The following EIF4G3 variants were observed in gnomAD, a reference collection of about 807,000 sequenced individuals.
The protein encoded by EIF4G3 is eIF-4-gamma 3.
In EIF4G3, 34 loss-of-function variants were observed where a neutral mutation model predicts 186.4. The ratio of observed to expected loss-of-function variants is 0.18; its 90% CI spans 0.14 to 0.24. The LOEUF is 0.24. EIF4G3 is among the 10% of genes least tolerant of loss of function. EIF4G3 has a pLI of 1.00. For missense variants in EIF4G3, 1,536 were observed against 1,948.5 expected (o/e 0.79, Z 3.99); for synonymous variants, 673 against 679.5 (o/e 0.99, Z 0.15).
intron 2 of EIF4G3, among the ~76,000 whole-genome samples, chr1:21,103,909 C>T (rs2096570103): frequency 3.9e-5 from 6 of 152,250 alleles, no homozygotes; most frequent in Admixed American, 3.9e-4. Flanking sequence ...AGCAGTTTGT[C>T]CACAGAATTC....
At chr1:21,011,130 T>C (rs2086920684) in intron 4 of EIF4G3, among the ~76,000 whole-genome samples, 1 of 150,966 alleles carries the variant, frequency 6.6e-6, no homozygotes, top group African/African-American at 2.4e-5. Flanking sequence ...AAATCTTACA[T>C]ATACTTAGTG....
chr1:21,121,647 C>A (rs1408136234), intron 2 of EIF4G3, among the ~76,000 whole-genome samples: 1 of 151,944 alleles, frequency 6.6e-6, no homozygotes, highest in Non-Finnish European at 1.5e-5. Context: ...TGGTGGTGCA[C>A]ACCTGTAGTC....
intron 30 of EIF4G3, among the ~76,000 whole-genome samples, chr1:20,836,585 A>G (rs905833674): frequency 1.1e-4 from 16 of 152,218 alleles, no homozygotes; most frequent in African/African-American, 3.9e-4. Context: ...TGCCGTAAGC[A>G]GTAATAAAGG....
intron 13 of EIF4G3, among the ~76,000 whole-genome samples, chr1:20,944,558 G>C (rs2095860849): frequency 1.3e-5 from 2 of 151,504 alleles, no homozygotes; most frequent in South Asian, 4.2e-4. Flanking sequence ...GGAGAGAGGG[G>C]GAGCGGGGTG....
intron 33 of EIF4G3, among the ~76,000 whole-genome samples, chr1:20,822,355 C>CTTTTT (rs57050580): frequency 4.6e-5 from 3 of 65,048 alleles, no homozygotes; most frequent in Admixed American, 2.6e-4. Context: ...AAAGAACCAG[C>CTTTTT]TTTTTTTTTT....
At chr1:20,814,530 A>C (rs947139413) in intron 34 of EIF4G3, among the ~76,000 whole-genome samples, 12 of 152,110 alleles carry the variant, frequency 7.9e-5, no homozygotes, top group East Asian at 1.9e-4. Flanking sequence ...TGAAAGAACA[A>C]CACCACAACT....
At chr1:21,055,311 A>G (rs2154577993) in intron 3 of EIF4G3, among the ~76,000 whole-genome samples, 1 of 152,286 alleles carries the variant, frequency 6.6e-6, no homozygotes, top group East Asian at 1.9e-4. Flanking sequence ...AAATAAAAAG[A>G]GAGCAAAGAA....
At chr1:21,135,948 C>A (rs2097233954) in intron 2 of EIF4G3, among the ~76,000 whole-genome samples, 1 of 152,072 alleles carries the variant, frequency 6.6e-6, no homozygotes, top group South Asian at 2.1e-4. Context: ...CTTTGGGAGG[C>A]CGAGGCGGGT....
rs140294940 is a variant in EIF4G3, at chr1:20,853,969, A to T, written c.3434-292T>A. Among the ~76,000 whole-genome samples the T allele has an allele frequency of 5.7e-4, 87 of 152,302 alleles. 1 individual carries two copies. Among genetic ancestry groups the T allele is most frequent in the African/African-American group, 2.1e-3 (87 of 41,566 alleles). On this transcript the variant is annotated intron_variant, in intron 26 of 36. Transcript: ENST00000602326. ...GGAAGGCAAGCGAAAACAGAACAAA[A>T]CTTTAACAAAGCTAACCAGCACAAA...
intron 2 of EIF4G3, among the ~76,000 whole-genome samples, chr1:21,157,379 T>C (rs2097682029): frequency 6.6e-6 from 1 of 152,118 alleles, no homozygotes; most frequent in African/African-American, 2.4e-5. Context: ...TTTGTTTGTT[T>C]TTTTTTAAGA....
At chr1:21,059,300 T>C (rs1193344348) in intron 3 of EIF4G3, among the ~76,000 whole-genome samples, 2 of 152,186 alleles carry the variant, frequency 1.3e-5, no homozygotes, top group Non-Finnish European at 2.9e-5. Flanking sequence ...GGGTAATTTC[T>C]ATACTTTATG....
At chr1:21,007,734 T>A (rs1444621025) in intron 4 of EIF4G3, among the ~76,000 whole-genome samples, 1 of 151,762 alleles carries the variant, frequency 6.6e-6, no homozygotes, top group Non-Finnish European at 1.5e-5. Context: ...AAAGACTCTG[T>A]CTTAACTTTA....
intron 14 of EIF4G3, among the ~76,000 whole-genome samples, chr1:20,937,536 C>T (rs1014464298): frequency 6.6e-6 from 1 of 151,984 alleles, no homozygotes; most frequent in African/African-American, 2.4e-5. Flanking sequence ...TAAAAATGTA[C>T]TATAAGCAAG....
chr1:20,990,996 T>C (rs2080971330), intron 7 of EIF4G3, among the ~76,000 whole-genome samples: 1 of 152,228 alleles, frequency 6.6e-6, no homozygotes, highest in African/African-American at 2.4e-5. Flanking sequence ...AAGTCTGAAG[T>C]ACTCTTGAAG....
chr1:21,082,777 G>A (rs182785286), intron 3 of EIF4G3, among the ~76,000 whole-genome samples: 3 of 152,016 alleles, frequency 2.0e-5, no homozygotes, highest in Admixed American at 2.0e-4. Context: ...GGTGGCTCAC[G>A]CCTGTAATCC....
rs967201696 is a variant in EIF4G3, at chr1:20,941,963, A to T, written c.1191T>A (p.Ser397Arg). Residue 397 changes from serine to arginine, a missense_variant, in exon 14 of 37, where the codon AGT becomes AGA. Ser to Arg is a moderately radical substitution (Grantham distance 110). Around this residue, in one of 11 missense-constraint regions of EIF4G3, gnomAD observed 560 missense variants for 547.8 expected, o/e 1.02. Coordinates refer to ENST00000602326, the MANE Select transcript of EIF4G3 (RefSeq NM_001391906.1). ...NDDDICKKPC[S>R]VAPNDIPLVS... is the part of the protein sequence containing the mutation. Reference sequence around the variant, plus strand: ...CCAGTGGAATATCATTAGGTGCTACACTACAGGGTTTCTTGCATATATCAT... The same window carrying T: ...CCAGTGGAATATCATTAGGTGCTACTCTACAGGGTTTCTTGCATATATCAT... 1 of 1,614,070 alleles carries T rather than the reference A, an allele frequency of 6.2e-7. No individual in the cohort carries two copies.
intron 4 of EIF4G3, among the ~76,000 whole-genome samples, chr1:21,011,580 A>G (rs1016929245): frequency 6.6e-6 from 1 of 152,196 alleles, no homozygotes; most frequent in Non-Finnish European, 1.5e-5. Flanking sequence ...ATAAATTCAT[A>G]TAACCACCAT....
chr1:21,028,452 C>T (rs369853594), intron 4 of EIF4G3, among the ~76,000 whole-genome samples: 2 of 152,240 alleles, frequency 1.3e-5, no homozygotes, highest in South Asian at 2.1e-4. Context: ...TTATACAAAA[C>T]TCAGGATAAT....
chr1:21,099,076 T>C (rs1572525052), intron 2 of EIF4G3, among the ~76,000 whole-genome samples: 1 of 152,286 alleles, frequency 6.6e-6, no homozygotes, highest in East Asian at 1.9e-4. Context: ...GAGATATCAC[T>C]ATACCTGTTA....
Sources: allele counts gnomAD v4.1 joint callset (sites outside exome capture counted in the v4.1 genomes callset), GRCh38; gene constraint gnomAD v4.1.1; regional missense constraint gnomAD v4.1.1; transcripts MANE v1.5; gene names NCBI Gene and HGNC (gene_info 2026-07-23, HGNC 2026-07-21).